Variants in FAM114A1 observed in about 807,000 individuals in gnomAD.
FAM114A1 encodes protein NOXP20.
FAM114A1 carries 62 observed loss-of-function variants against 64.3 expected under a neutral mutation model. The observed-to-expected ratio is 0.96, with a 90% CI of 0.79 to 1.19. FAM114A1 has a LOEUF of 1.19. FAM114A1 is among the 50% of genes most tolerant of loss of function. FAM114A1 has a pLI of 0.00. For missense variants in FAM114A1, 645 were observed against 676.3 expected (o/e 0.95, Z 0.51); for synonymous variants, 254 against 251.1 (o/e 1.01, Z -0.11).
chr4:38,868,058 AGT>A (rs147472159), intron 1 of FAM114A1: 459 of 408,790 alleles, frequency 1.1e-3, no homozygotes, highest in East Asian at 1.5e-3. Flanking sequence ...CGGGCGTGTG[AGT>A]GTGTGTGTGT....
chr4:38,909,509 G>A (rs765210023), intron 7 of FAM114A1, among the ~76,000 whole-genome samples: 23 of 152,062 alleles, frequency 1.5e-4, no homozygotes, highest in Non-Finnish European at 2.6e-4. Flanking sequence ...ATCTGTCTTT[G>A]CTTACTTACA....
rs976351292 is a variant in FAM114A1 at position 38,905,371 on chromosome 4, C to A, written c.437-151C>A. The A allele has an allele frequency of 4.8e-5, 27 of 565,790 alleles. No homozygotes were observed. The South Asian group carries it at 5.4e-4, about 11-fold the overall frequency. 35.0% of individuals were successfully genotyped at this position (565,790 alleles called of 1,614,324 possible). A position where few individuals can be genotyped will look rare whatever the true frequency, so the allele number is the denominator to read the frequency against. ...CCAAGATTGCACCACTGCACTCCAG[C>A]CTGGGTGACAGAGCAAGACTCCATC... On this transcript the variant is annotated intron_variant, in intron 4 of 14. Coordinates refer to ENST00000358869, the MANE Select transcript of FAM114A1 (RefSeq NM_138389.4).
intron 8 of FAM114A1, among the ~76,000 whole-genome samples, chr4:38,920,483 A>G (rs1177281216): frequency 6.6e-6 from 1 of 152,230 alleles, no homozygotes; most frequent in Non-Finnish European, 1.5e-5. Flanking sequence ...GCATAATGCA[A>G]TGAGCTAGGA....
chr4:38,895,086 G>A (rs1345335159), intron 4 of FAM114A1, among the ~76,000 whole-genome samples: 2 of 152,176 alleles, frequency 1.3e-5, no homozygotes, highest in African/African-American at 4.8e-5. Context: ...AGATCAGGAA[G>A]GCACCCATAA....
intron 7 of FAM114A1, among the ~76,000 whole-genome samples, chr4:38,912,724 C>T (rs116005866): frequency 1.3e-5 from 2 of 152,242 alleles, no homozygotes; most frequent in East Asian, 3.9e-4. Context: ...CCAGAGTGAC[C>T]CTTTCCCTTT....
At chr4:38,908,366 A>T (rs935097912) in intron 6 of FAM114A1, among the ~76,000 whole-genome samples, 4 of 152,170 alleles carry the variant, frequency 2.6e-5, no homozygotes, top group African/African-American at 9.7e-5. Context: ...TTTTTTTCTA[A>T]GCATCAGTCT....
At chr4:38,899,819 A>G (rs779192323) in intron 4 of FAM114A1, among the ~76,000 whole-genome samples, 2 of 152,228 alleles carry the variant, frequency 1.3e-5, no homozygotes, top group Non-Finnish European at 2.9e-5. Flanking sequence ...GAATGATAAT[A>G]GACCAGCTGA....
intron 3 of FAM114A1, among the ~76,000 whole-genome samples, chr4:38,881,975 A>G (rs374091157): frequency 6.6e-6 from 1 of 152,180 alleles, no homozygotes; most frequent in Non-Finnish European, 1.5e-5. Flanking sequence ...ATTTGACCCC[A>G]TGTACATCTA....
intron 7 of FAM114A1, among the ~76,000 whole-genome samples, chr4:38,910,505 G>A (rs1490691543): frequency 1.3e-5 from 2 of 152,170 alleles, no homozygotes; most frequent in African/African-American, 4.8e-5. Context: ...GAGAGGGGAT[G>A]TGGAAGGCAA....
chr4:38,882,583 T>G (rs561278317), intron 3 of FAM114A1, among the ~76,000 whole-genome samples: 90 of 152,138 alleles, frequency 5.9e-4, no homozygotes, highest in Non-Finnish European at 1.0e-3. Flanking sequence ...GAGCCGAGAT[T>G]GCACCATTGC....
chr4:38,938,005 G>T (rs965021969), intron 13 of FAM114A1, among the ~76,000 whole-genome samples: 12 of 151,942 alleles, frequency 7.9e-5, no homozygotes, highest in African/African-American at 2.4e-4. Context: ...CCAAAATGCT[G>T]GGATTACAGG....
chr4:38,937,669 G>T (rs1228084851), intron 13 of FAM114A1, among the ~76,000 whole-genome samples: 1 of 152,124 alleles, frequency 6.6e-6, no homozygotes, highest in Non-Finnish European at 1.5e-5. Context: ...AGACAGAAAG[G>T]AGGCTTTATG....
At chr4:38,914,678 C>T in intron 7 of FAM114A1, 2 of 427,406 alleles carry the variant, frequency 4.7e-6, no homozygotes, top group Non-Finnish European at 4.2e-6. Flanking sequence ...AGTTTATTCC[C>T]AGGCATTGAA....
At chr4:38,874,083 A>G (rs562295724) in intron 2 of FAM114A1, among the ~76,000 whole-genome samples, 16 of 152,348 alleles carry the variant, frequency 1.1e-4, no homozygotes, top group African/African-American at 2.9e-4. Flanking sequence ...ACTGAATGTA[A>G]GAAAAGAGGC....
intron 10 of FAM114A1, 60 bp from the exon 11 acceptor site, chr4:38,931,391 G>T (rs1166234060): frequency 6.5e-7 from 1 of 1,533,508 alleles, no homozygotes; most frequent in African/African-American, 1.4e-5. Context: ...CTTGGGGTTG[G>T]AATGACTTAG....
At chr4:38,943,367 T>G in intron 14 of FAM114A1, 89 bp from the exon 15 acceptor site, 1 of 1,121,824 alleles carries the variant, frequency 8.9e-7, no homozygotes, top group Non-Finnish European at 1.3e-6. Context: ...GGGGGGTGGG[T>G]TGAAGAGTGG....
At chr4:38,872,900 G>A (rs1470555094) in intron 2 of FAM114A1, among the ~76,000 whole-genome samples, 1 of 152,244 alleles carries the variant, frequency 6.6e-6, no homozygotes, top group Non-Finnish European at 1.5e-5. Context: ...AAAACAGGCA[G>A]AGGACAAGAG....
intron 14 of FAM114A1, among the ~76,000 whole-genome samples, chr4:38,941,959 A>G (rs1454064494): frequency 6.6e-6 from 1 of 152,232 alleles, no homozygotes; most frequent in Non-Finnish European, 1.5e-5. Flanking sequence ...TGGACTCACA[A>G]TTCCACGTGG....
Position 38,915,047 on chromosome 4 carries a change from A to T in FAM114A1, c.919A>T (p.Ile307Phe). The change falls in exon 8 of 15, where the codon ATT (isoleucine) becomes TTT (phenylalanine). Residue 307 changes from isoleucine to phenylalanine, a missense_variant. Transcript: ENST00000358869. Reference protein sequence around the residue: ...QGLSHLEALEILSNESESKVQ... With the variant: ...QGLSHLEALEFLSNESESKVQ... ...CTTGTCACACCTGGAAGCCCTGGAA[A>T]TTCTGTCCAATGAAAGCGAAAGCAA... is the stretch of plus-strand genomic sequence containing the variant. 1.2e-6 allele frequency: 2 copies of T among 1,614,174 alleles called. No homozygotes were observed. Among genetic ancestry groups the T allele is most frequent in the Non-Finnish European group, 1.7e-6 (2 of 1,180,006 alleles).
Sources: gnomAD v4.1 joint callset for allele counts (sites outside exome capture counted in the v4.1 genomes callset) on GRCh38, gnomAD v4.1.1 for gene constraint, MANE v1.5 for transcripts, NCBI Gene and HGNC (gene_info 2026-07-23, HGNC 2026-07-21) for gene names.